Variants in TANC2 observed in about 807,000 individuals in gnomAD.
The protein encoded by TANC2 is tetratricopeptide repeat, ankyrin repeat and coiled-coil containing 2.
TANC2 carries 26 observed loss-of-function variants against 210.5 expected under a neutral mutation model. The observed-to-expected ratio is 0.12, with a 90% CI of 0.09 to 0.17. The LOEUF (loss-of-function observed/expected upper bound fraction) is 0.17, where lower values mean the gene tolerates loss of function less well. Among genes scored for constraint, TANC2 ranks in the 10% least tolerant of loss-of-function variants. TANC2 has a pLI of 1.00. For synonymous variants in TANC2, 931 were observed against 967.1 expected, an observed-to-expected ratio of 0.96 and a Z score of 0.69; for missense variants, 2,129 against 2,608.9, an observed-to-expected ratio of 0.82 and a Z score of 4.01.
At chr17:63,007,336 A>G (rs1473571407) in intron 1 of TANC2, among the ~76,000 whole-genome samples, 1 of 152,170 alleles carries the variant, frequency 6.6e-6, no homozygotes, top group African/African-American at 2.4e-5. Flanking sequence ...TTTGCCTGAT[A>G]TTGGCATAGT....
At chr17:63,002,244 T>C (rs2033420203) in intron 1 of TANC2, among the ~76,000 whole-genome samples, 1 of 152,200 alleles carries the variant, frequency 6.6e-6, no homozygotes, top group South Asian at 2.1e-4. Context: ...TAGTAAGGCA[T>C]GAAGCTTTCT....
At chr17:63,041,907 A>G (rs900783954) in intron 2 of TANC2, among the ~76,000 whole-genome samples, 17 of 152,176 alleles carry the variant, frequency 1.1e-4, no homozygotes, top group Non-Finnish European at 2.9e-5. Flanking sequence ...GACTTTAGTG[A>G]TGCTTGGTGA....
chr17:63,129,769 A>G (rs952407058), intron 4 of TANC2, among the ~76,000 whole-genome samples: 1 of 152,096 alleles, frequency 6.6e-6, no homozygotes, highest in Non-Finnish European at 1.5e-5. Flanking sequence ...CTTTATAGTA[A>G]TCTTATATAT....
intron 1 of TANC2, among the ~76,000 whole-genome samples, chr17:62,970,054 A>G (rs979273952): frequency 6.6e-6 from 1 of 152,208 alleles, no homozygotes; most frequent in African/African-American, 2.4e-5. Flanking sequence ...CATGCCTTTT[A>G]CCCAGTTTAA....
chr17:63,096,193 T>G (rs1251317821), intron 3 of TANC2, among the ~76,000 whole-genome samples: 1 of 152,114 alleles, frequency 6.6e-6, no homozygotes, highest in Non-Finnish European at 1.5e-5. Flanking sequence ...GAAAGAGACT[T>G]GAAAAGTAAG....
intron 14 of TANC2, among the ~76,000 whole-genome samples, chr17:63,366,588 T>C (rs1257768056): frequency 6.6e-6 from 1 of 152,196 alleles, no homozygotes; most frequent in Admixed American, 6.5e-5. Context: ...GAGCTCGAGA[T>C]GCATTAACAG....
intron 14 of TANC2, among the ~76,000 whole-genome samples, chr17:63,358,744 G>C (rs944668023): frequency 6.6e-6 from 1 of 152,100 alleles, no homozygotes; most frequent in Non-Finnish European, 1.5e-5. Context: ...AGTAGTCATC[G>C]GCCTTTGTTA....
At position 62,980,478 on chromosome 17, in the gene TANC2, G is replaced by A. The variant is rs181154547; in HGVS notation, c.-24+13729G>A. Among the ~76,000 whole-genome samples the A allele has an allele frequency of 2.6e-5, 4 of 152,242 alleles. No individual in the cohort carries two copies. In the East Asian group the frequency reaches 5.8e-4, roughly 22 times the overall value. Reference sequence around the variant, plus strand: ...GTTTTCAGATTTGGGATGCTCTGTGGTACATATATTCCAAAATCTGAAAAA... The same window carrying A: ...GTTTTCAGATTTGGGATGCTCTGTGATACATATATTCCAAAATCTGAAAAA... On this transcript the variant is annotated intron_variant, in intron 1 of 27. Coordinates refer to ENST00000689528, the Ensembl canonical transcript of TANC2.
chr17:62,986,991 G>C (rs2032599957), intron 1 of TANC2, among the ~76,000 whole-genome samples: 1 of 152,258 alleles, frequency 6.6e-6, no homozygotes, highest in Non-Finnish European at 1.5e-5. Flanking sequence ...TGTCTGCAGG[G>C]AATGGTGCAC....
intron 3 of TANC2, among the ~76,000 whole-genome samples, chr17:63,097,934 C>T (rs531200178): frequency 2.0e-4 from 30 of 152,206 alleles, no homozygotes; most frequent in Admixed American, 1.8e-3. Context: ...GATTTGATGT[C>T]TAATCTACAT....
chr17:63,141,910 A>G (rs1251130567), intron 4 of TANC2, among the ~76,000 whole-genome samples: 2 of 152,222 alleles, frequency 1.3e-5, no homozygotes, highest in Admixed American at 6.5e-5. Context: ...TAATGTTGGA[A>G]AAAGTTTTTA....
intron 11 of TANC2, among the ~76,000 whole-genome samples, chr17:63,321,137 G>A (rs2045480364): frequency 3.3e-5 from 5 of 151,956 alleles, no homozygotes; most frequent in Admixed American, 3.3e-4. Context: ...GGTGGAGGTT[G>A]CAGCTAGCCA....
intron 2 of TANC2, among the ~76,000 whole-genome samples, chr17:63,072,982 A>G (rs1455808880): frequency 6.6e-6 from 1 of 152,144 alleles, no homozygotes; most frequent in African/African-American, 2.4e-5. Flanking sequence ...TAGATGACAG[A>G]GCAAGAATAC....
intron 4 of TANC2, among the ~76,000 whole-genome samples, chr17:63,138,698 G>C (rs756982388): frequency 1.1e-4 from 16 of 152,098 alleles, no homozygotes; most frequent in Non-Finnish European, 1.9e-4. Flanking sequence ...TTCTGTGCCA[G>C]GTTTGGTCAT....
intron 7 of TANC2, among the ~76,000 whole-genome samples, chr17:63,219,009 G>A (rs2042097433): frequency 6.6e-6 from 1 of 152,104 alleles, no homozygotes; most frequent in African/African-American, 2.4e-5. Flanking sequence ...TGAAATAAAA[G>A]GGTCATTTAC....
chr17:63,367,028 T>C (rs2047129962), intron 14 of TANC2, among the ~76,000 whole-genome samples: 1 of 152,254 alleles, frequency 6.6e-6, no homozygotes, highest in Non-Finnish European at 1.5e-5. Context: ...TTCTTAATAC[T>C]TGAGTCATAT....
At chr17:63,165,034 C>T (rs1217288418) in intron 5 of TANC2, among the ~76,000 whole-genome samples, 1 of 152,142 alleles carries the variant, frequency 6.6e-6, no homozygotes, top group South Asian at 2.1e-4. Context: ...GTAATTCCAA[C>T]ACTTTGAGAG....
intron 11 of TANC2, chr17:63,332,210 G>T: frequency 2.7e-6 from 1 of 364,416 alleles, no homozygotes; most frequent in South Asian, 2.3e-5. Flanking sequence ...TTTGCTCTGG[G>T]AATTTTGGCT....
intron 15 of TANC2, among the ~76,000 whole-genome samples, chr17:63,380,661 G>A (rs1029685152): frequency 2.0e-5 from 3 of 152,154 alleles, no homozygotes; most frequent in Non-Finnish European, 4.4e-5. Context: ...TGGAGAATAT[G>A]GGTATCTTAA....
Sources: gnomAD v4.1 joint callset for allele counts (sites outside exome capture counted in the v4.1 genomes callset) on GRCh38, gnomAD v4.1.1 for gene constraint, MANE v1.5 for transcripts, NCBI Gene and HGNC (gene_info 2026-07-23, HGNC 2026-07-21) for gene names.